Variants in PIR observed in about 807,000 individuals in gnomAD.
The protein encoded by PIR is pirin (iron-binding nuclear protein).
Under a neutral mutation model 24.2 loss-of-function variants are expected in PIR, and 22 were observed. The ratio of observed to expected loss-of-function variants is 0.91; its 90% CI spans 0.65 to 1.30. The LOEUF is 1.30. Among genes scored for constraint, PIR ranks in the 50% most tolerant of loss-of-function variants. The probability of loss-of-function intolerance (pLI) is 0.00; values close to 1 mark genes in which losing one functional copy is unlikely to be tolerated. For missense variants in PIR, 220 were observed against 220.3 expected (o/e 1.00, Z 0.01); for synonymous variants, 80 against 79.6 (o/e 1.00, Z -0.03).
In PIR at chrX:15,431,834, G is replaced by A. The variant is rs956759736; in HGVS notation, c.481-5844C>T. Among the ~76,000 whole-genome samples the A allele has an allele frequency of 4.5e-5, 5 of 110,143 alleles. No individual in the cohort carries two copies. The Admixed American group carries it at 4.9e-4, about 11-fold the overall frequency. On this transcript the variant is annotated intron_variant, in intron 5 of 9. Coordinates refer to ENST00000380420, the MANE Select transcript of PIR (RefSeq NM_001018109.3). ...TGAACAAATCATCATCTGATCACTT[G>A]TTATACTAACTAACTTGCTTTCATC...
intron 2 of PIR, among the ~76,000 whole-genome samples, chrX:15,487,507 C>T (rs1236293875): frequency 9.0e-6 from 1 of 111,488 alleles, no homozygotes; most frequent in Admixed American, 9.5e-5. Flanking sequence ...CATGGAGATT[C>T]GTCATACTAT....
intron 2 of PIR, among the ~76,000 whole-genome samples, chrX:15,480,022 T>C (rs935895947): frequency 2.7e-5 from 3 of 111,852 alleles, no homozygotes; most frequent in Admixed American, 1.9e-4. Flanking sequence ...AAATCTCATC[T>C]TGTAGCTCCC....
At chrX:15,437,659 T>C (rs1489816266) in intron 5 of PIR, among the ~76,000 whole-genome samples, 1 of 112,467 alleles carries the variant, frequency 8.9e-6, no homozygotes, top group African/African-American at 3.2e-5. Context: ...ACCTACTTCA[T>C]ATAGACTGTG....
intron 6 of PIR, among the ~76,000 whole-genome samples, chrX:15,424,839 G>T (rs1391320927): frequency 9.0e-6 from 1 of 110,571 alleles, no homozygotes; most frequent in Non-Finnish European, 1.9e-5. Context: ...CTCTACAAAA[G>T]AATTAAAAAA....
intron 3 of PIR, 51 bp downstream of exon 3, chrX:15,479,678 A>G (rs1322607487): frequency 1.2e-5 from 7 of 573,498 alleles, no homozygotes; most frequent in Non-Finnish European, 1.9e-5. Context: ...TATTAGAAGA[A>G]AGAGGTATGT....
intron 6 of PIR, among the ~76,000 whole-genome samples, chrX:15,408,009 C>A (rs1263121269): frequency 9.0e-6 from 1 of 111,546 alleles, no homozygotes; most frequent in Non-Finnish European, 1.9e-5. Context: ...AGCAGTGGTG[C>A]CATCTCAGCT....
chrX:15,491,382 T>C (rs1254358682), intron 1 of PIR, 73 bp from the exon 2 acceptor site: 10 of 455,544 alleles, frequency 2.2e-5, no homozygotes. Flanking sequence ...ATAAATGATA[T>C]TAAGATTAGA....
chrX:15,408,704 G>A (rs1924628122), intron 6 of PIR, among the ~76,000 whole-genome samples: 1 of 111,847 alleles, frequency 8.9e-6, no homozygotes, highest in Non-Finnish European at 1.9e-5. Flanking sequence ...AGTGGAAAAG[G>A]AGATCTGGAA....
intron 7 of PIR, among the ~76,000 whole-genome samples, chrX:15,400,191 T>A (rs1054104439): frequency 4.5e-5 from 5 of 111,873 alleles, no homozygotes; most frequent in Non-Finnish European, 9.4e-5. Flanking sequence ...AGAACTCCAT[T>A]GATTTTCCAC....
At chrX:15,459,567 GA>G in intron 4 of PIR, 89 bp downstream of exon 4, 1 of 539,998 alleles carries the variant, frequency 1.9e-6, no homozygotes, top group South Asian at 2.6e-5. Context: ...AGAGAGTGTG[GA>G]AAGGGTGAAT....
At chrX:15,446,124 C>T (rs1008475282) in intron 5 of PIR, among the ~76,000 whole-genome samples, 5 of 111,229 alleles carry the variant, frequency 4.5e-5, no homozygotes, top group East Asian at 2.8e-4. Context: ...CCACCACACC[C>T]GGCCTATTCA....
At chrX:15,427,770 C>T (rs143380244) in intron 5 of PIR, among the ~76,000 whole-genome samples, 1,745 of 108,637 alleles carry the variant, frequency 0.016, 20 homozygotes, top group Non-Finnish European at 0.026. Flanking sequence ...TGTCAATAAC[C>T]GTATTACTAT....
At chrX:15,410,306 TC>T (rs201190104) in intron 6 of PIR, among the ~76,000 whole-genome samples, 8,305 of 111,467 alleles carry the variant, frequency 0.075, 765 homozygotes, top group African/African-American at 0.25. Context: ...AACTCAATAT[TC>T]TATTTTGGAT....
chrX:15,472,418 C>A (rs1921971316), intron 3 of PIR, among the ~76,000 whole-genome samples: 1 of 111,691 alleles, frequency 9.0e-6, no homozygotes, highest in Admixed American at 9.5e-5. Context: ...AAGTGTCCAC[C>A]AATGGATGAC....
rs1240900888 is a variant in PIR, at chrX:15,454,543, A to C, written c.480+1305T>G. 2.7e-5 allele frequency among the ~76,000 whole-genome samples: 3 copies of C among 111,417 alleles called. No homozygotes were observed. The East Asian group carries it at 8.4e-4, about 31-fold the overall frequency. ...TTGGTTATAGTTCAGGAAATACAAA[A>C]ACTGGTAAGTCCCAACCAATAACCA... is the stretch of plus-strand genomic sequence containing the variant. On this transcript the variant is annotated intron_variant, in intron 5 of 9. Coordinates refer to ENST00000380420, the MANE Select transcript of PIR (RefSeq NM_001018109.3).
intron 6 of PIR, among the ~76,000 whole-genome samples, chrX:15,412,002 G>A (rs1371210646): frequency 2.0e-4 from 22 of 110,449 alleles, no homozygotes; most frequent in Non-Finnish European, 4.2e-4. Flanking sequence ...TTGCAGACAT[G>A]TAGCCCCTTT....
rs151279883 is a variant in PIR at position 15,400,491 on chromosome X, C to G, written c.611-2960G>C. 7.0e-3 allele frequency among the ~76,000 whole-genome samples: 780 copies of G among 111,468 alleles called. 8 individuals are homozygous for G. The highest frequency in any genetic ancestry group is 0.023 in the African/African-American group (716 of 30,683). On this transcript the variant is annotated intron_variant, in intron 7 of 9. Coordinates refer to ENST00000380420, the MANE Select transcript of PIR (RefSeq NM_001018109.3). The stretch of plus-strand genomic sequence containing the variant: ...GCTATGTTTTAATGGAGTGAGCTGG[C>G]AAAAGAGTGCTCAAAAATAATGCTG...
intron 5 of PIR, among the ~76,000 whole-genome samples, chrX:15,431,467 C>T (rs1379254344): frequency 9.0e-6 from 1 of 111,164 alleles, no homozygotes; most frequent in Non-Finnish European, 1.9e-5. Flanking sequence ...ACTGCTTTTC[C>T]TAGTCTTGGT....
chrX:15,414,761 G>A (rs1438867123), intron 6 of PIR, among the ~76,000 whole-genome samples: 1 of 110,934 alleles, frequency 9.0e-6, no homozygotes, highest in Non-Finnish European at 1.9e-5. Flanking sequence ...CCTGGCCTCA[G>A]TCCCCCAAAG....
Sources: allele counts gnomAD v4.1 joint callset (sites outside exome capture counted in the v4.1 genomes callset), GRCh38; gene constraint gnomAD v4.1.1; transcripts MANE v1.5; gene names NCBI Gene and HGNC (gene_info 2026-07-23, HGNC 2026-07-21).